ZNF736: variants seen among roughly 807,000 people sequenced by gnomAD.
The protein encoded by ZNF736 is zinc finger protein 736, also known as KRAB-containing zinc-finger repressor protein.
A neutral mutation model predicts 11.7 loss-of-function variants in ZNF736; 6 were observed. That is an observed-to-expected ratio of 0.51 (90% CI 0.28 to 1.01). The LOEUF (loss-of-function observed/expected upper bound fraction) is 1.01. Among genes scored for constraint, ZNF736 ranks in the 50% least tolerant of loss-of-function variants. The probability of loss-of-function intolerance (pLI) is 0.09; values close to 1 mark genes in which losing one functional copy is unlikely to be tolerated. For missense variants in ZNF736, 444 were observed against 496.0 expected (o/e 0.90, Z 1.00); for synonymous variants, 139 against 164.7 (o/e 0.84, Z 1.19).
rs1789519924 is a variant in ZNF736 at position 64,353,702 on chromosome 7, A to ATTCG, written c.*4557_*4558insCGTT. On this transcript the variant is annotated 3_prime_UTR_variant, in exon 4 of 4. Transcript: ENST00000423484. Reference sequence around the variant, plus strand: ...GAAATTCTAAGTGGAAAGGCCACTTATTAGTTTACAGCAGTATCGTAAGTG... The same window carrying ATTCG: ...GAAATTCTAAGTGGAAAGGCCACTTATTCGTTAGTTTACAGCAGTATCGTAAGTG... 1 of 151,802 alleles carries ATTCG rather than the reference A, an allele frequency of 6.6e-6. No individual in the cohort carries two copies. The highest frequency in any genetic ancestry group is 2.1e-4 in the South Asian group (1 of 4,820). 9.4% of individuals were successfully genotyped at this position (151,802 alleles called of 1,614,324 possible).
At chr7:64,330,158 T>C (rs1439918373) in intron 1 of ZNF736, among the ~76,000 whole-genome samples, 1 of 151,634 alleles carries the variant, frequency 6.6e-6, no homozygotes, top group Non-Finnish European at 1.5e-5. Flanking sequence ...AAGTGGGGTT[T>C]TTTTTGTTTT....
At chr7:64,337,918 C>A (rs1298198317) in intron 3 of ZNF736, among the ~76,000 whole-genome samples, 1 of 151,910 alleles carries the variant, frequency 6.6e-6, no homozygotes, top group Non-Finnish European at 1.5e-5. Flanking sequence ...CCACACCCGG[C>A]TAATTTTGTA....
rs1584262100 is a variant in ZNF736 at position 64,314,039 on chromosome 7, C to A, written c.-112C>A. Reference sequence around the variant, plus strand: ...CTAGTTCGCGTCTCCACTGTTCCATCTCCTCCGTTCCTGGAGTTCCTCGGT... The same window carrying A: ...CTAGTTCGCGTCTCCACTGTTCCATATCCTCCGTTCCTGGAGTTCCTCGGT... On this transcript the variant is annotated 5_prime_UTR_variant, in exon 1 of 4. Transcript: ENST00000423484. The A allele has an allele frequency of 6.9e-7, 1 of 1,453,310 alleles. No individual in the cohort carries two copies. The highest frequency in any genetic ancestry group is 9.4e-7 in the Non-Finnish European group (1 of 1,059,208). The allele number at this position is 1,453,310 out of a possible 1,614,324, so 90.0% of individuals were successfully genotyped here.
In ZNF736 at chr7:64,326,593, C is replaced by G. The variant is rs527751612; in HGVS notation, c.4-9666C>G. The stretch of plus-strand genomic sequence containing the variant: ...CTGCTATAGTTTTTATTTTTTCCTT[C>G]TAATTTTGGGTTTGGTTTGCTCTTT... On this transcript the variant is annotated intron_variant, in intron 1 of 3. Transcript: ENST00000423484. Among the ~76,000 whole-genome samples the G allele has an allele frequency of 1.3e-4, 19 of 151,876 alleles. No individual in the cohort carries two copies. The South Asian group carries it at 3.9e-3, about 32-fold the overall frequency.
chr7:64,318,917 G>A (rs937954065), intron 1 of ZNF736, among the ~76,000 whole-genome samples: 5 of 152,110 alleles, frequency 3.3e-5, no homozygotes, highest in African/African-American at 1.2e-4. Flanking sequence ...AAAAACAGAG[G>A]TACCCTGCCA....
In ZNF736 at chr7:64,353,309, G is replaced by A. The variant is rs1789515414; in HGVS notation, c.*4162G>A. The A allele has an allele frequency of 6.6e-6, 1 of 152,166 alleles. No individual in the cohort carries two copies. The highest frequency in any genetic ancestry group is 1.5e-5 in the Non-Finnish European group (1 of 68,048). The allele number at this position is 152,166 out of a possible 1,614,324, so 9.4% of individuals were successfully genotyped here. ...GCCTTGCTTTACTCCATTCTCCATA[G>A]ATTGTTTCTTTGATTATTCCCAATG... On this transcript the variant is annotated 3_prime_UTR_variant, in exon 4 of 4. Coordinates refer to ENST00000423484, the MANE Select transcript of ZNF736 (RefSeq NM_001170905.3).
At chr7:64,344,187 A>G (rs975913395) in intron 3 of ZNF736, among the ~76,000 whole-genome samples, 2 of 152,164 alleles carry the variant, frequency 1.3e-5, no homozygotes, top group Admixed American at 1.3e-4. Flanking sequence ...CTATAATCCC[A>G]GCTCCTGCAG....
chr7:64,349,123 T>C lies in ZNF736; in HGVS notation c.1260T>C (p.Thr420=). The part of the protein sequence containing the change: ...SHLIRHKRIH[T]REKLHKC ...TCATCAGACATAAGAGAATTCATAC[T>C]AGAGAGAAGCTCCACAAGTGTTAAA... Residue 420 remains threonine, a synonymous_variant, in exon 4 of 4, where the codon ACT becomes ACC. Coordinates refer to ENST00000423484, the MANE Select transcript of ZNF736 (RefSeq NM_001170905.3). 1 of 1,558,750 alleles carries C rather than the reference T, an allele frequency of 6.4e-7. No homozygotes were observed. Among genetic ancestry groups the C allele is most frequent in the Non-Finnish European group, 8.7e-7 (1 of 1,153,100 alleles).
At chr7:64,338,465 AC>A (rs1789290523) in intron 3 of ZNF736, among the ~76,000 whole-genome samples, 2 of 152,162 alleles carry the variant, frequency 1.3e-5, no homozygotes, top group Admixed American at 1.3e-4. Flanking sequence ...TTGTCTTTTA[AC>A]TGAAAATTTG....
At chr7:64,335,078 G>T (rs544802335) in intron 1 of ZNF736, among the ~76,000 whole-genome samples, 1 of 152,124 alleles carries the variant, frequency 6.6e-6, no homozygotes, top group Admixed American at 6.5e-5. Flanking sequence ...TCACTCATAA[G>T]TAGGATTCAA....
At position 64,355,767 on chromosome 7, in the gene ZNF736, ATATGT is replaced by A. The variant is rs1347727925; in HGVS notation, c.*6624_*6628del. The A allele has an allele frequency of 6.3e-6, 1 of 157,640 alleles. No individual in the cohort carries two copies. The highest frequency in any genetic ancestry group is 2.4e-5 in the African/African-American group (1 of 41,482). 9.8% of individuals were successfully genotyped at this position (157,640 alleles called of 1,614,324 possible). A position where few individuals can be genotyped will look rare whatever the true frequency, so the allele number is the denominator to read the frequency against. ...GTGTGATGGAAGAACAAAACCAAACATATGTTATAACCCAAGGAGATTTTATTTCT... is the reference window on the plus strand; with the variant it reads ...GTGTGATGGAAGAACAAAACCAAACATATAACCCAAGGAGATTTTATTTCT... On this transcript the variant is annotated 3_prime_UTR_variant, in exon 4 of 4. Coordinates refer to ENST00000423484, the MANE Select transcript of ZNF736 (RefSeq NM_001170905.3).
chr7:64,341,773 G>C (rs528326094), intron 3 of ZNF736, among the ~76,000 whole-genome samples: 1 of 152,258 alleles, frequency 6.6e-6, no homozygotes, highest in East Asian at 1.9e-4. Flanking sequence ...GAAAGGTTGT[G>C]TTGGAAAGTC....
chr7:64,341,056 C>T (rs1262492853), intron 3 of ZNF736, among the ~76,000 whole-genome samples: 2 of 151,898 alleles, frequency 1.3e-5, no homozygotes, highest in East Asian at 3.9e-4. Context: ...TTTTTCATGA[C>T]TCAATGTTTA....
At chr7:64,315,382 T>A (rs1443818534) in intron 1 of ZNF736, among the ~76,000 whole-genome samples, 1 of 152,126 alleles carries the variant, frequency 6.6e-6, no homozygotes, top group East Asian at 1.9e-4. Flanking sequence ...TTTTTTTTTT[T>A]TAAGAGGTAT....
intron 3 of ZNF736, among the ~76,000 whole-genome samples, chr7:64,344,682 C>T (rs1048458833): frequency 2.0e-5 from 3 of 152,022 alleles, no homozygotes; most frequent in Non-Finnish European, 4.4e-5. Context: ...TTATATTTAT[C>T]GATTAATTTG....
intron 3 of ZNF736, among the ~76,000 whole-genome samples, chr7:64,345,159 G>A (rs1249238049): frequency 6.6e-6 from 1 of 151,388 alleles, no homozygotes; most frequent in Non-Finnish European, 1.5e-5. Context: ...GAGTAGCTGG[G>A]GCTATAGTTG....
chr7:64,348,964 A>G lies in ZNF736; in HGVS notation c.1101A>G (p.Arg367=). 6.3e-7 allele frequency: 1 copy of G among 1,591,182 alleles called. No homozygotes were observed. Among genetic ancestry groups the G allele is most frequent in the Non-Finnish European group, 8.6e-7 (1 of 1,168,094 alleles). Residue 367 remains arginine (R), a synonymous_variant, in exon 4 of 4, where the codon AGA becomes AGG. Transcript: ENST00000423484. ...ACAAGAGAATTCATATGGAAGAGAG[A>G]CCTTACAAATGTGAAGAATGCAGCA... ...FNHKRIHMEE[R]PYKCEECSKT...
intron 1 of ZNF736, among the ~76,000 whole-genome samples, chr7:64,318,048 T>C (rs10267421): frequency 0.34 from 51,365 of 151,710 alleles, 9,386 homozygotes; most frequent in African/African-American, 0.49. Context: ...TCTTAATTTA[T>C]AGTGAAAGCC....
In ZNF736 at chr7:64,356,522, T is replaced by C. The variant is rs1441117491; in HGVS notation, c.*7375T>C. Among the ~76,000 whole-genome samples the C allele has an allele frequency of 6.6e-6, 1 of 152,140 alleles. No homozygotes were observed. Among genetic ancestry groups the C allele is most frequent in the Non-Finnish European group, 1.5e-5 (1 of 68,008 alleles). ...CATACCTAGCTAAATTTTTTTAAGA[T>C]TGAGGATAATATGTAAAATAATTTA... is the stretch of plus-strand genomic sequence containing the variant. On this transcript the variant is annotated 3_prime_UTR_variant, in exon 4 of 4. Transcript: ENST00000423484.
Sources: allele counts gnomAD v4.1 joint callset (sites outside exome capture counted in the v4.1 genomes callset), GRCh38; gene constraint gnomAD v4.1.1; transcripts MANE v1.5; gene names NCBI Gene and HGNC (gene_info 2026-07-23, HGNC 2026-07-21).